The following NOP14 variants were observed in gnomAD, a reference collection of about 807,000 sequenced individuals.
NOP14 encodes the protein NOP14 nucleolar protein.
Under a neutral mutation model 101.6 loss-of-function variants are expected in NOP14, and 57 were observed. The observed-to-expected ratio is 0.56, with a 90% CI of 0.45 to 0.70. The LOEUF is 0.70. Ranked by LOEUF, NOP14 falls within the 30% of genes least tolerant of loss-of-function variation. The pLI is 0.00. For missense variants in NOP14, 1,134 were observed against 1,075.5 expected (o/e 1.05, Z -0.76); for synonymous variants, 428 against 424.0 (o/e 1.01, Z -0.12).
chr4:2,954,691 C>G lies in NOP14; in HGVS notation c.473-128G>C. ...AGTCCACATTTGAGAAAAAAATGCT[C>G]ACACGCAACAGCCTGGCCTGAGACC... On this transcript the variant is annotated intron_variant, in intron 3 of 17. Coordinates refer to ENST00000416614, the MANE Select transcript of NOP14 (RefSeq NM_001291978.2). The G allele has an allele frequency of 4.4e-6, 5 of 1,125,844 alleles. No individual in the cohort carries two copies. In the South Asian group the frequency reaches 6.5e-5, roughly 15 times the overall value. 69.7% of individuals were successfully genotyped at this position (1,125,844 alleles called of 1,614,324 possible). A position where few individuals can be genotyped will look rare whatever the true frequency, so the allele number is the denominator to read the frequency against.
intron 5 of NOP14, among the ~76,000 whole-genome samples, chr4:2,953,026 T>C (rs1715131784): frequency 6.6e-6 from 1 of 152,242 alleles, no homozygotes; most frequent in Admixed American, 6.5e-5. Context: ...CAAGGCTGAC[T>C]GACAAAGATG....
intron 12 of NOP14, among the ~76,000 whole-genome samples, chr4:2,944,589 T>C (rs1560297643): frequency 6.6e-6 from 1 of 152,166 alleles, no homozygotes; most frequent in Non-Finnish European, 1.5e-5. Context: ...GTATTTTTAG[T>C]AGAGACGGGG....
At chr4:2,953,454 A>G (rs1323207744) in intron 5 of NOP14, 57 bp downstream of exon 5, 1 of 1,593,846 alleles carries the variant, frequency 6.3e-7, no homozygotes, top group Non-Finnish European at 8.6e-7. Flanking sequence ...TTCTCTGGAG[A>G]AAGTCGGTCA....
rs1158669328 is a variant in NOP14, at chr4:2,938,915, C to T, written c.2490G>A (p.Lys830=). Residue 830 remains lysine, a synonymous_variant, in exon 18 of 18, where the codon AAG becomes AAA. Transcript: ENST00000416614. ...TGTTAAAAAGCTGCTTTACTTTCCG[C>T]TTTCTTTCCGCATCCCTAAAAGAAA... ...SEIMERDAER[K]RKVKQLFNSL... The T allele has an allele frequency of 1.9e-6, 3 of 1,614,138 alleles. No homozygotes were observed. Among genetic ancestry groups the T allele is most frequent in the Admixed American group, 1.7e-5 (1 of 60,028 alleles).
chr4:2,943,111 T>G (rs1005945764), intron 13 of NOP14, among the ~76,000 whole-genome samples: 1 of 152,152 alleles, frequency 6.6e-6, no homozygotes, highest in Non-Finnish European at 1.5e-5. Context: ...GCAGGGAGCA[T>G]GTGGGCGGCC....
intron 1 of NOP14, among the ~76,000 whole-genome samples, chr4:2,961,049 A>C (rs867761944): frequency 0.013 from 1,408 of 107,150 alleles, 31 homozygotes; most frequent in African/African-American, 0.017. Context: ...TATTATATTA[A>C]TACTACATCA....
At chr4:2,942,651 A>T (rs1260521971) in intron 13 of NOP14, among the ~76,000 whole-genome samples, 2 of 152,200 alleles carry the variant, frequency 1.3e-5, no homozygotes, top group African/African-American at 4.8e-5. Context: ...CTCAGGCCAC[A>T]TCCGGGAACA....
chr4:2,941,158 A>G (rs1714148822), intron 15 of NOP14: 1 of 170,066 alleles, frequency 5.9e-6, no homozygotes, highest in Admixed American at 6.2e-5. Context: ...GTGCCATCAA[A>G]GACTTGTTCT....
chr4:2,943,077 T>C (rs1201323757), intron 13 of NOP14, among the ~76,000 whole-genome samples: 1 of 152,160 alleles, frequency 6.6e-6, no homozygotes, highest in African/African-American at 2.4e-5. Flanking sequence ...GGACTGCAGC[T>C]ATCTACAGGT....
chr4:2,957,840 A>C, intron 1 of NOP14, 100 bp from the exon 2 acceptor site: 1 of 1,212,060 alleles, frequency 8.3e-7, no homozygotes, highest in South Asian at 1.7e-5. Context: ...GGCTATGCAC[A>C]GTGATGTCAA....
At position 2,939,122 on chromosome 4, in the gene NOP14, C is replaced by A. The variant is rs1345431160; in HGVS notation, c.2474+66G>T. The A allele has an allele frequency of 9.4e-6, 15 of 1,596,644 alleles. No homozygotes were observed. The Admixed American group carries it at 2.0e-4, about 21-fold the overall frequency. ...GGATGCCAGGTGCCCGGTGCTCTGC[C>A]CAGGGCCACACAGCACCAAAGCTGA... On this transcript the variant is annotated intron_variant, in intron 17 of 17. Coordinates refer to ENST00000416614, the MANE Select transcript of NOP14 (RefSeq NM_001291978.2).
Position 2,938,469 on chromosome 4 carries a change from A to C in NOP14, c.*362T>G. ...CAGGAGGTGGAGGTTGTGCCATTGC[A>C]CTCCAGCCTGGGCAACAAGAGCAAA... On this transcript the variant is annotated 3_prime_UTR_variant, in exon 18 of 18. Transcript: ENST00000416614. 1 of 340,332 alleles carries C rather than the reference A, an allele frequency of 2.9e-6. No homozygotes were observed. The highest frequency in any genetic ancestry group is 2.3e-5 in the South Asian group (1 of 43,158). 21.1% of individuals were successfully genotyped at this position (340,332 alleles called of 1,614,324 possible).
chr4:2,945,350 C>G (rs1465595964), intron 11 of NOP14, 121 bp from the exon 12 acceptor site: 4 of 740,674 alleles, frequency 5.4e-6, no homozygotes, highest in Admixed American at 2.2e-5. Context: ...TCTCCTTGGC[C>G]CAGAGCTCTG....
intron 3 of NOP14, among the ~76,000 whole-genome samples, chr4:2,955,089 C>T (rs1163642104): frequency 7.1e-6 from 1 of 140,258 alleles, no homozygotes; most frequent in African/African-American, 2.7e-5. Flanking sequence ...TAGTCACCTG[C>T]GCCACGGCGC....
intron 6 of NOP14, among the ~76,000 whole-genome samples, chr4:2,952,038 T>A (rs1166128428): frequency 1.4e-5 from 2 of 147,036 alleles, no homozygotes; most frequent in East Asian, 4.0e-4. Flanking sequence ...ACCCAGGAGG[T>A]GGAGTTTGCA....
rs1716315876 is a variant in NOP14, at chr4:2,963,344, G to A, written c.-25C>T. 1.9e-6 allele frequency: 3 copies of A among 1,543,540 alleles called. No individual in the cohort carries two copies. The highest frequency in any genetic ancestry group is 1.7e-6 in the Non-Finnish European group (2 of 1,151,344). On this transcript the variant is annotated 5_prime_UTR_variant, in exon 1 of 18. Coordinates refer to ENST00000416614, the MANE Select transcript of NOP14 (RefSeq NM_001291978.2). ...TGGCGCGCGCCCCGCTGCGCCCAAGGGCCCGAGACCCGAAGAGAGACAGGC... is the reference window on the plus strand; with the variant it reads ...TGGCGCGCGCCCCGCTGCGCCCAAGAGCCCGAGACCCGAAGAGAGACAGGC...
At position 2,950,879 on chromosome 4, in the gene NOP14, AGAGAGAGAGT is replaced by A. The variant is rs1379930677; in HGVS notation, c.1002+225_1002+234del. ...TTTTATCTGTGTTCCTTTGAGACAG[AGAGAGAGAGT>A]GAGAAAGAGAGCGTGAGCAAGTGAG... On this transcript the variant is annotated intron_variant, in intron 7 of 17. Transcript: ENST00000416614. 4 of 408,182 alleles carry A rather than the reference AGAGAGAGAGT, an allele frequency of 9.8e-6. No homozygotes were observed. The Admixed American group carries it at 1.8e-4, about 18-fold the overall frequency. The allele number at this position is 408,182 out of a possible 1,614,324, so 25.3% of individuals were successfully genotyped here. A position where few individuals can be genotyped will look rare whatever the true frequency, so the allele number is the denominator to read the frequency against.
chr4:2,942,904 G>A (rs914545494), intron 13 of NOP14, among the ~76,000 whole-genome samples: 2 of 152,288 alleles, frequency 1.3e-5, no homozygotes, highest in East Asian at 3.9e-4. Flanking sequence ...GTGGCTACAC[G>A]GGGAGGGGTG....
chr4:2,942,422 G>C (rs1019071400), intron 13 of NOP14, 71 bp from the exon 14 acceptor site: 1 of 1,484,686 alleles, frequency 6.7e-7, no homozygotes, highest in Non-Finnish European at 9.3e-7. Flanking sequence ...CTGCGGCACC[G>C]AGCCTGTGGA....
Sources: allele counts gnomAD v4.1 joint callset (sites outside exome capture counted in the v4.1 genomes callset), GRCh38; gene constraint gnomAD v4.1.1; transcripts MANE v1.5; gene names NCBI Gene and HGNC (gene_info 2026-07-23, HGNC 2026-07-21).